The following FGF12 variants were observed in gnomAD, a reference collection of about 807,000 sequenced individuals.
FGF12 encodes the protein fibroblast growth factor 12B.
A neutral mutation model predicts 23.6 loss-of-function variants in FGF12; 14 were observed. The observed-to-expected ratio is 0.59, with a 90% CI of 0.39 to 0.93. The LOEUF is 0.93. FGF12 is among the 40% of genes least tolerant of loss of function. The pLI is 0.00. For synonymous variants in FGF12, 62 were observed against 77.3 expected (o/e 0.80, Z 1.04); for missense variants, 175 against 217.8 (o/e 0.80, Z 1.24).
rs1428148502 is a variant in FGF12, at chr3:192,386,576, A to G, written c.14-26038T>C. Among the ~76,000 whole-genome samples, 8 of 152,190 alleles carry G rather than the reference A, an allele frequency of 5.3e-5. 1 individual carries two copies. The highest frequency in any genetic ancestry group is 1.2e-4 in the Non-Finnish European group (8 of 68,030). On this transcript the variant is annotated intron_variant, in intron 2 of 5. Transcript: ENST00000445105. The stretch of plus-strand genomic sequence containing the variant: ...AAGTTCTGTCTCCCAGCTGGAATCC[A>G]GAAGAATAAATATGAGTATGAAAGT...
intron 2 of FGF12, among the ~76,000 whole-genome samples, chr3:192,400,761 C>G (rs1017497551): frequency 1.3e-5 from 2 of 152,216 alleles, no homozygotes; most frequent in Non-Finnish European, 2.9e-5. Context: ...TCCATCTCCA[C>G]AAACATGCAA....
intron 5 of FGF12, among the ~76,000 whole-genome samples, chr3:192,168,379 T>C (rs574426307): frequency 1.3e-5 from 2 of 152,350 alleles, no homozygotes. Context: ...TTCCTGCCTT[T>C]ATTCACACTG....
chr3:192,573,833 C>T (rs1037791683), intron 2 of FGF12, among the ~76,000 whole-genome samples: 3 of 152,172 alleles, frequency 2.0e-5, no homozygotes, highest in East Asian at 3.8e-4. Flanking sequence ...GGTGTGTCAG[C>T]AACATTTAAT....
At chr3:192,647,565 A>T (rs1308734959) in intron 2 of FGF12, among the ~76,000 whole-genome samples, 1 of 151,846 alleles carries the variant, frequency 6.6e-6, no homozygotes, top group Non-Finnish European at 1.5e-5. Context: ...CAATTTTTCA[A>T]CTTTCCCTTG....
chr3:192,306,573 A>G (rs1470835284), intron 4 of FGF12, among the ~76,000 whole-genome samples: 1 of 152,124 alleles, frequency 6.6e-6, no homozygotes, highest in Non-Finnish European at 1.5e-5. Context: ...GACAACCTAA[A>G]GAGAGTTTCT....
At chr3:192,398,088 C>T (rs1720601744) in intron 2 of FGF12, among the ~76,000 whole-genome samples, 1 of 152,092 alleles carries the variant, frequency 6.6e-6, no homozygotes, top group African/African-American at 2.4e-5. Flanking sequence ...AAACACTGCA[C>T]ACAGCACACT....
At chr3:192,537,422 G>A (rs1725250101) in intron 2 of FGF12, among the ~76,000 whole-genome samples, 1 of 152,078 alleles carries the variant, frequency 6.6e-6, no homozygotes, top group Non-Finnish European at 1.5e-5. Context: ...CCCACCAAGA[G>A]TGTACAAGGA....
chr3:192,480,606 C>T (rs987157459), intron 2 of FGF12, among the ~76,000 whole-genome samples: 7 of 152,118 alleles, frequency 4.6e-5, no homozygotes, highest in African/African-American at 1.7e-4. Flanking sequence ...ATTGAGTAGA[C>T]TCATTGCTAA....
intron 2 of FGF12, among the ~76,000 whole-genome samples, chr3:192,721,681 C>T (rs1719043661): frequency 6.6e-6 from 1 of 152,032 alleles, no homozygotes; most frequent in African/African-American, 2.4e-5. Flanking sequence ...TTGGCCTCCC[C>T]CAGACCTATT....
At chr3:192,386,439 T>C (rs1720043716) in intron 2 of FGF12, among the ~76,000 whole-genome samples, 1 of 152,216 alleles carries the variant, frequency 6.6e-6, no homozygotes, top group Non-Finnish European at 1.5e-5. Flanking sequence ...TCATAAGTTC[T>C]GGCTGATTTA....
intron 2 of FGF12, among the ~76,000 whole-genome samples, chr3:192,478,653 A>G (rs935594058): frequency 1.3e-5 from 2 of 152,214 alleles, no homozygotes; most frequent in Non-Finnish European, 2.9e-5. Context: ...TGTGACTAAG[A>G]TAAAATTTTC....
At chr3:192,613,606 T>C (rs1255034309) in intron 2 of FGF12, among the ~76,000 whole-genome samples, 2 of 151,886 alleles carry the variant, frequency 1.3e-5, no homozygotes, top group Admixed American at 6.6e-5. Context: ...TCCAGATATT[T>C]TATAAAAATT....
chr3:192,461,339 T>G (rs966986262), intron 2 of FGF12, among the ~76,000 whole-genome samples: 2 of 152,138 alleles, frequency 1.3e-5, no homozygotes, highest in Non-Finnish European at 2.9e-5. Flanking sequence ...TTTGCCTAAT[T>G]TATAATGACA....
chr3:192,377,764 T>C (rs1340131916), intron 2 of FGF12, among the ~76,000 whole-genome samples: 1 of 152,122 alleles, frequency 6.6e-6, no homozygotes, highest in Admixed American at 6.5e-5. Flanking sequence ...TGGGATACAA[T>C]AGGCAGCTTA....
chr3:192,294,109 C>T (rs1444637989), intron 4 of FGF12, among the ~76,000 whole-genome samples: 1 of 152,156 alleles, frequency 6.6e-6, no homozygotes, highest in Non-Finnish European at 1.5e-5. Flanking sequence ...ACTTTTCTCT[C>T]ATTCTCTCTT....
intron 4 of FGF12, among the ~76,000 whole-genome samples, chr3:192,239,878 A>G (rs1269339560): frequency 6.6e-6 from 1 of 152,238 alleles, no homozygotes; most frequent in East Asian, 1.9e-4. Flanking sequence ...CCAAGTCACA[A>G]CTAAGTTTAA....
At chr3:192,502,302 A>T (rs1220928602) in intron 2 of FGF12, among the ~76,000 whole-genome samples, 1 of 152,232 alleles carries the variant, frequency 6.6e-6, no homozygotes, top group Non-Finnish European at 1.5e-5. Context: ...AACCAAGTTT[A>T]AGCAGACTTA....
In FGF12 at chr3:192,718,543, A is replaced by C. The variant is rs116650396; in HGVS notation, c.13+8638T>G. 7.8e-3 allele frequency among the ~76,000 whole-genome samples: 1,190 copies of C among 152,302 alleles called. 14 individuals carry two copies. Among genetic ancestry groups the C allele is most frequent in the African/African-American group, 0.026 (1,072 of 41,548 alleles). ...AGATGAAGAACAAGGCCATAGAAAG[A>C]AAGCCACGAGCTCAAACTGAAGATG... On this transcript the variant is annotated intron_variant, in intron 2 of 5. Transcript: ENST00000445105.
At chr3:192,170,678 A>T (rs778362205) in intron 4 of FGF12, 22 bp from the exon 5 acceptor site, 5 of 1,548,380 alleles carry the variant, frequency 3.2e-6, no homozygotes, top group Non-Finnish European at 4.4e-6. Flanking sequence ...AAAAAAAAAG[A>T]CACAAAAAAG....
Sources: gnomAD v4.1 joint callset for allele counts (sites outside exome capture counted in the v4.1 genomes callset) on GRCh38, gnomAD v4.1.1 for gene constraint, MANE v1.5 for transcripts, NCBI Gene and HGNC (gene_info 2026-07-23, HGNC 2026-07-21) for gene names.